Variants in PCDHA13 observed in about 807,000 individuals in gnomAD.
PCDHA13 encodes the protein protocadherin alpha 13.
In PCDHA13, 54 loss-of-function variants were observed where a neutral mutation model predicts 64.8. The observed-to-expected ratio is 0.83, with a 90% CI of 0.67 to 1.04. The LOEUF (loss-of-function observed/expected upper bound fraction) is 1.04, where lower values mean the gene tolerates loss of function less well. Among genes scored for constraint, PCDHA13 ranks in the 50% least tolerant of loss-of-function variants. The pLI, the probability that PCDHA13 is intolerant of heterozygous loss-of-function variation, is 0.00. For synonymous variants in PCDHA13, 587 were observed against 564.4 expected (o/e 1.04, Z -0.57); for missense variants, 1,248 against 1,254.3 (o/e 0.99, Z 0.08).
chr5:140,922,326 G>A (rs2080778185), intron 1 of PCDHA13, among the ~76,000 whole-genome samples: 1 of 152,212 alleles, frequency 6.6e-6, no homozygotes, highest in Admixed American at 6.5e-5. Context: ...ATCTTGGAAA[G>A]GGTTGGTATA....
intron 1 of PCDHA13, among the ~76,000 whole-genome samples, chr5:140,974,533 C>T (rs540810616): frequency 1.5e-4 from 23 of 152,160 alleles, no homozygotes; most frequent in Middle Eastern, 6.8e-3. Flanking sequence ...TTTTTTGAGA[C>T]GGAGTTTTGC....
chr5:140,941,245 TTCTTTCTTTC>T (rs1379125224), intron 1 of PCDHA13, among the ~76,000 whole-genome samples: 44 of 140,720 alleles, frequency 3.1e-4, no homozygotes, highest in Middle Eastern at 3.3e-3. Context: ...CTTTCTTTCT[TTCTTTCTTTC>T]TCTTTCTTTC....
intron 1 of PCDHA13, among the ~76,000 whole-genome samples, chr5:140,897,816 G>C (rs1305259522): frequency 1.1e-4 from 16 of 152,078 alleles, no homozygotes; most frequent in Non-Finnish European, 1.9e-4. Flanking sequence ...CAGTGTAAAA[G>C]TGTTCCTATT....
intron 1 of PCDHA13, among the ~76,000 whole-genome samples, chr5:140,896,345 C>T (rs113477424): frequency 0.12 from 18,881 of 152,098 alleles, 1,242 homozygotes; most frequent in Middle Eastern, 0.19. Flanking sequence ...TTTATATTCC[C>T]GCCAGCAGTG....
intron 1 of PCDHA13, among the ~76,000 whole-genome samples, chr5:140,891,030 T>G (rs1583035754): frequency 6.6e-6 from 1 of 151,856 alleles, no homozygotes; most frequent in Non-Finnish European, 1.5e-5. Context: ...GGGTATAATC[T>G]TAGGTGTGAC....
At chr5:140,960,742 T>C (rs1336861398) in intron 1 of PCDHA13, among the ~76,000 whole-genome samples, 1 of 151,530 alleles carries the variant, frequency 6.6e-6, no homozygotes, top group Non-Finnish European at 1.5e-5. Flanking sequence ...TTTTAGTCCA[T>C]GGCTAAAATC....
In PCDHA13 at chr5:140,882,919, A is replaced by G. The variant is rs781879301; in HGVS notation, c.651A>G (p.Gly217=). 7.4e-6 allele frequency: 12 copies of G among 1,614,104 alleles called. No homozygotes were observed. In the East Asian group the frequency reaches 2.7e-4, roughly 36 times the overall value. ...EHSLLLTASD[G]GKPELTGTVQ... is the part of the protein sequence containing the mutation. The stretch of plus-strand genomic sequence containing the variant: ...GTTTATTACTGACAGCCAGTGATGG[A>G]GGTAAACCCGAGCTGACTGGCACAG... Residue 217 remains glycine, a synonymous_variant, in exon 1 of 4, where the codon GGA becomes GGG. Coordinates refer to ENST00000289272, the MANE Select transcript of PCDHA13 (RefSeq NM_018904.3).
At chr5:140,923,104 A>AT (rs2081172107) in intron 1 of PCDHA13, among the ~76,000 whole-genome samples, 1 of 152,194 alleles carries the variant, frequency 6.6e-6, no homozygotes, top group Admixed American at 6.5e-5. Context: ...TGGGAGTATG[A>AT]TTTTAAGTTT....
At chr5:140,981,584 A>G (rs556917015) in intron 2 of PCDHA13, among the ~76,000 whole-genome samples, 1 of 152,258 alleles carries the variant, frequency 6.6e-6, no homozygotes, top group Non-Finnish European at 1.5e-5. Context: ...AAAAATAAAT[A>G]AAATAAAACA....
intron 1 of PCDHA13, chr5:140,930,374 C>G (rs549190703): frequency 6.6e-6 from 1 of 151,988 alleles, no homozygotes; most frequent in South Asian, 2.1e-4. Flanking sequence ...TGTTAGTGGC[C>G]CTTGGCATTT....
At chr5:140,969,010 A>C (rs782688503) in intron 1 of PCDHA13, 2 of 1,614,168 alleles carry the variant, frequency 1.2e-6, no homozygotes, top group Admixed American at 3.3e-5. Context: ...TCTGTGGAGT[A>C]AGGGAAAGGT....
chr5:140,917,313 T>C (rs1294382574), intron 1 of PCDHA13, among the ~76,000 whole-genome samples: 12 of 132,588 alleles, frequency 9.1e-5, no homozygotes, highest in African/African-American at 3.0e-4. Flanking sequence ...TACAATTTGG[T>C]GTTCATGTGG....
At chr5:140,983,739 G>A (rs983923811) in intron 3 of PCDHA13, among the ~76,000 whole-genome samples, 1 of 152,194 alleles carries the variant, frequency 6.6e-6, no homozygotes, top group African/African-American at 2.4e-5. Context: ...TGGCTGGCTT[G>A]CAATAATCCA....
intron 3 of PCDHA13, among the ~76,000 whole-genome samples, chr5:140,995,541 G>T (rs1444257516): frequency 6.6e-5 from 10 of 152,186 alleles, no homozygotes; most frequent in Non-Finnish European, 1.3e-4. Context: ...CAAATAAGGG[G>T]CGATCACTGT....
At chr5:140,930,842 T>C (rs183476886) in intron 1 of PCDHA13, among the ~76,000 whole-genome samples, 1 of 152,338 alleles carries the variant, frequency 6.6e-6, no homozygotes, top group Admixed American at 6.5e-5. Flanking sequence ...TGAATAAATA[T>C]GTGCATATAT....
intron 1 of PCDHA13, among the ~76,000 whole-genome samples, chr5:140,925,792 T>C (rs918762181): frequency 6.6e-6 from 1 of 152,170 alleles, no homozygotes. Flanking sequence ...AGTATCTCAG[T>C]ACTTTCCCCT....
At chr5:140,920,930 T>C (rs1286502333) in intron 1 of PCDHA13, among the ~76,000 whole-genome samples, 1 of 151,962 alleles carries the variant, frequency 6.6e-6, no homozygotes, top group Non-Finnish European at 1.5e-5. Flanking sequence ...GTAGGTGATC[T>C]AGCCCTTTCA....
chr5:140,944,273 G>A (rs1208171689), intron 1 of PCDHA13, among the ~76,000 whole-genome samples: 2 of 152,098 alleles, frequency 1.3e-5, no homozygotes, highest in African/African-American at 4.8e-5. Flanking sequence ...CTGCAGCCTT[G>A]ACACCCCGGG....
chr5:140,909,684 GT>G (rs2074636344), intron 1 of PCDHA13, among the ~76,000 whole-genome samples: 1 of 152,220 alleles, frequency 6.6e-6, no homozygotes, highest in Non-Finnish European at 1.5e-5. Context: ...GGGAGCCAAT[GT>G]GGGGGTTCTG....
Sources: gnomAD v4.1 joint callset for allele counts (sites outside exome capture counted in the v4.1 genomes callset) on GRCh38, gnomAD v4.1.1 for gene constraint, MANE v1.5 for transcripts, NCBI Gene and HGNC (gene_info 2026-07-23, HGNC 2026-07-21) for gene names.